Variants in PTPRG observed in about 807,000 individuals in gnomAD.
The protein encoded by PTPRG is protein tyrosine phosphatase receptor type G, also known as receptor-type tyrosine-protein phosphatase gamma.
Under a neutral mutation model 165.3 loss-of-function variants are expected in PTPRG, and 102 were observed. That is an observed-to-expected ratio of 0.62 (90% CI 0.53 to 0.73). PTPRG has a LOEUF of 0.73. Among genes scored for constraint, PTPRG ranks in the 30% least tolerant of loss-of-function variants. PTPRG has a pLI of 0.00. For synonymous variants in PTPRG, 675 were observed against 669.5 expected (o/e 1.01, Z -0.13); for missense variants, 1,866 against 1,861.4 (o/e 1.00, Z -0.05).
At chr3:61,572,199 T>A (rs1358156004) in intron 1 of PTPRG, among the ~76,000 whole-genome samples, 2 of 152,242 alleles carry the variant, frequency 1.3e-5, no homozygotes, top group Non-Finnish European at 2.9e-5. Context: ...GACAAGGTGG[T>A]GAGTGGAACT....
At chr3:62,076,660 C>A (rs1701398649) in intron 4 of PTPRG, among the ~76,000 whole-genome samples, 1 of 151,812 alleles carries the variant, frequency 6.6e-6, no homozygotes, top group Non-Finnish European at 1.5e-5. Flanking sequence ...CGGCTCACCG[C>A]AGCATCCGCC....
rs574745465 is a variant in PTPRG, at chr3:61,719,252, A to T, written c.86-29626A>T. ...ATTTGTTCGTTGACTTGTATTTTCT[A>T]TGAAGATGTAATCGAGGAAAGGCCC... On this transcript the variant is annotated intron_variant, in intron 1 of 29. Transcript: ENST00000474889. Among the ~76,000 whole-genome samples the T allele has an allele frequency of 2.0e-5, 3 of 152,352 alleles. No individual in the cohort carries two copies. The East Asian group carries it at 5.8e-4, about 29-fold the overall frequency.
At chr3:62,093,281 ACT>A (rs571215618) in intron 5 of PTPRG, among the ~76,000 whole-genome samples, 218 of 151,892 alleles carry the variant, frequency 1.4e-3, no homozygotes, top group African/African-American at 4.9e-3. Context: ...TACTCTGGGG[ACT>A]CTAGTTTTCT....
At chr3:61,989,416 A>C (rs547917343) in intron 2 of PTPRG, among the ~76,000 whole-genome samples, 6 of 152,370 alleles carry the variant, frequency 3.9e-5, no homozygotes. Context: ...GTTTGATTGT[A>C]AATCAAGAAG....
At chr3:61,571,107 G>T (rs144363989) in intron 1 of PTPRG, among the ~76,000 whole-genome samples, 1 of 152,060 alleles carries the variant, frequency 6.6e-6, no homozygotes, top group Non-Finnish European at 1.5e-5. Context: ...AATAGCCTAC[G>T]CTTACCAAGC....
In PTPRG at chr3:62,271,314, C is replaced by T. The variant is rs1702051929; in HGVS notation, c.3010-69C>T. 43 of 1,350,852 alleles carry T rather than the reference C, an allele frequency of 3.2e-5. No individual in the cohort carries two copies. Among genetic ancestry groups the T allele is most frequent in the Non-Finnish European group, 4.3e-5 (42 of 972,998 alleles). 83.7% of individuals were successfully genotyped at this position (1,350,852 alleles called of 1,614,324 possible). On this transcript the variant is annotated intron_variant, in intron 20 of 29. Transcript: ENST00000474889. This position sits in a 1 kb window ranked among gnomAD's most constrained non-coding sequence, Gnocchi z 4.1. ...GATCAGTGGTCATGTGTCCTGACAC[C>T]CTTACATTATTTTTTTCCAGAATGT...
chr3:61,806,552 T>C (rs890440030), intron 2 of PTPRG, among the ~76,000 whole-genome samples: 14 of 152,036 alleles, frequency 9.2e-5, no homozygotes, highest in African/African-American at 3.1e-4. Flanking sequence ...CTTGTGATTT[T>C]TGTACTTCTG....
At chr3:61,814,578 C>G (rs1015765297) in intron 2 of PTPRG, among the ~76,000 whole-genome samples, 2 of 151,784 alleles carry the variant, frequency 1.3e-5, no homozygotes, top group African/African-American at 4.8e-5. Flanking sequence ...TTTCTCAGAC[C>G]TCTGGTAACT....
rs78975246 is a variant in PTPRG, at chr3:61,683,203, A to G, written c.86-65675A>G. ...CAGTCAGCATTGCAAAAGTCAGGCT[A>G]TAAAGATCAGCACAATGGCCGAAGA... On this transcript the variant is annotated intron_variant, in intron 1 of 29. Coordinates refer to ENST00000474889, the MANE Select transcript of PTPRG (RefSeq NM_002841.4). Among the ~76,000 whole-genome samples, 502 of 152,340 alleles carry G rather than the reference A, an allele frequency of 3.3e-3. 3 individuals are homozygous for G. The highest frequency in any genetic ancestry group is 0.011 in the African/African-American group (477 of 41,582).
At chr3:62,102,488 G>A (rs1204994467) in intron 5 of PTPRG, among the ~76,000 whole-genome samples, 1 of 152,110 alleles carries the variant, frequency 6.6e-6, no homozygotes, top group African/African-American at 2.4e-5. Context: ...GGCCAGGCTG[G>A]TCCCGAACTC....
At chr3:61,854,803 G>T (rs1184911461) in intron 2 of PTPRG, among the ~76,000 whole-genome samples, 1 of 152,054 alleles carries the variant, frequency 6.6e-6, no homozygotes, top group Non-Finnish European at 1.5e-5. Context: ...GTAATATGAG[G>T]GTCCTAGAGA....
At chr3:61,695,337 C>T (rs536904418) in intron 1 of PTPRG, among the ~76,000 whole-genome samples, 2 of 152,072 alleles carry the variant, frequency 1.3e-5, no homozygotes, top group Non-Finnish European at 2.9e-5. Context: ...GCAAGGTCCT[C>T]CATTTTTTCA....
At chr3:61,678,494 C>G (rs925517661) in intron 1 of PTPRG, among the ~76,000 whole-genome samples, 2 of 152,112 alleles carry the variant, frequency 1.3e-5, no homozygotes, top group Admixed American at 6.5e-5. Flanking sequence ...TCCCCACATT[C>G]CCTTCTTATT....
rs3817455 is a variant in PTPRG at position 61,743,075 on chromosome 3, C to T, written c.86-5803C>T. The T allele has an allele frequency of 1.8e-5, 29 of 1,590,822 alleles. No homozygotes were observed. The East Asian group carries it at 2.2e-4, about 12-fold the overall frequency. On this transcript the variant is annotated intron_variant, in intron 1 of 29. Transcript: ENST00000474889. ...CGGTGCAGGACTTCCCGCACCGCCT[C>T]GTACAGGGTGTTGCGAGAGACTGCT...
intron 1 of PTPRG, among the ~76,000 whole-genome samples, chr3:61,746,064 T>C (rs2033187808): frequency 8.3e-6 from 1 of 119,902 alleles, no homozygotes; most frequent in Admixed American, 8.2e-5. Context: ...TTTTTTTTTT[T>C]TTGAGACAGG....
chr3:61,792,854 A>G (rs974796865), intron 2 of PTPRG, among the ~76,000 whole-genome samples: 1 of 151,668 alleles, frequency 6.6e-6, no homozygotes, highest in Non-Finnish European at 1.5e-5. Flanking sequence ...TCAGCCTCCC[A>G]AGTAACTAGG....
Position 62,271,797 on chromosome 3 carries a change from T to A in PTPRG, c.3182+242T>A, listed in dbSNP as rs894342932. 6.6e-6 allele frequency among the ~76,000 whole-genome samples: 1 copy of A among 152,108 alleles called. No individual in the cohort carries two copies. The highest frequency in any genetic ancestry group is 2.4e-5 in the African/African-American group (1 of 41,420). On this transcript the variant is annotated intron_variant, in intron 21 of 29. Coordinates refer to ENST00000474889, the MANE Select transcript of PTPRG (RefSeq NM_002841.4). The surrounding 1 kb of genome is among the most constrained non-coding windows in gnomAD (Gnocchi z 4.1). ...CCCTAGTTTTTATAAAATCTTCTTATTAATAATATCAGCCAGGCATGGAGG... is the reference window on the plus strand; with the variant it reads ...CCCTAGTTTTTATAAAATCTTCTTAATAATAATATCAGCCAGGCATGGAGG...
intron 2 of PTPRG, among the ~76,000 whole-genome samples, chr3:61,942,421 C>T (rs1023632132): frequency 2.0e-5 from 3 of 152,204 alleles, no homozygotes; most frequent in Non-Finnish European, 2.9e-5. Flanking sequence ...AGACCAAGCC[C>T]CATTCACTCA....
intron 4 of PTPRG, among the ~76,000 whole-genome samples, chr3:62,025,714 T>G (rs2041789702): frequency 6.6e-6 from 1 of 152,218 alleles, no homozygotes; most frequent in Non-Finnish European, 1.5e-5. Flanking sequence ...ATGTAAAAAT[T>G]GTAAATGTTT....
Sources: gnomAD v4.1 joint callset for allele counts (sites outside exome capture counted in the v4.1 genomes callset) on GRCh38, gnomAD v4.1.1 for gene constraint, Gnocchi (gnomAD v3.1) non-coding constraint, MANE v1.5 for transcripts, NCBI Gene and HGNC (gene_info 2026-07-23, HGNC 2026-07-21) for gene names.